The following BTG3 variants were observed in gnomAD, a reference collection of about 807,000 sequenced individuals.
BTG3 encodes the protein BTG anti-proliferation factor 3, also known as protein BTG3.
BTG3 carries 4 observed loss-of-function variants against 25.8 expected under a neutral mutation model. The ratio of observed to expected loss-of-function variants is 0.16; its 90% CI spans 0.08 to 0.36. BTG3 has a LOEUF of 0.36. BTG3 is among the 10% of genes least tolerant of loss of function. BTG3 has a pLI of 1.00. For missense variants in BTG3, 201 were observed against 304.9 expected, an observed-to-expected ratio of 0.66 and a Z score of 2.54; for synonymous variants, 107 against 99.9, an observed-to-expected ratio of 1.07 and a Z score of -0.42.
chr21:17,608,713 G>A, intron 2 of BTG3: 1 of 368,998 alleles, frequency 2.7e-6, no homozygotes, highest in Non-Finnish European at 4.8e-6. Context: ...GCACTGTTAG[G>A]AGCCAGGCTA....
intron 2 of BTG3, among the ~76,000 whole-genome samples, chr21:17,607,499 G>A (rs967196603): frequency 1.3e-5 from 2 of 152,078 alleles, no homozygotes; most frequent in African/African-American, 4.8e-5. Context: ...AACCTCTTTG[G>A]ATTAAAAATG....
intron 2 of BTG3, among the ~76,000 whole-genome samples, chr21:17,607,582 G>A (rs893783806): frequency 1.3e-5 from 2 of 152,168 alleles, no homozygotes; most frequent in Non-Finnish European, 2.9e-5. Context: ...CAGTACATGA[G>A]AAATTAGCAA....
At chr21:17,606,438 T>TA (rs1182744190) in intron 2 of BTG3, among the ~76,000 whole-genome samples, 3 of 152,180 alleles carry the variant, frequency 2.0e-5, no homozygotes, top group African/African-American at 7.2e-5. Context: ...AAATACTGCT[T>TA]AGTCCTTTTA....
chr21:17,610,761 A>G (rs1306391190), intron 1 of BTG3, among the ~76,000 whole-genome samples: 1 of 152,258 alleles, frequency 6.6e-6, no homozygotes, highest in Non-Finnish European at 1.5e-5. Context: ...TATGTTTAGC[A>G]TAAAAACAAC....
intron 4 of BTG3, 142 bp downstream of exon 4, chr21:17,598,475 G>A: frequency 1.5e-6 from 1 of 655,040 alleles, no homozygotes; most frequent in Non-Finnish European, 2.5e-6. Flanking sequence ...CAGAGAAACA[G>A]CTTTCCCTTA....
At chr21:17,599,058 C>G (rs2061538908) in intron 3 of BTG3, 1 of 379,996 alleles carries the variant, frequency 2.6e-6, no homozygotes, top group Non-Finnish European at 4.6e-6. Flanking sequence ...TTTTCTTTCC[C>G]TTATTTTCTT....
At chr21:17,604,369 C>T (rs1455139506) in intron 3 of BTG3, 4 of 197,608 alleles carry the variant, frequency 2.0e-5, no homozygotes, top group Non-Finnish European at 4.3e-5. Flanking sequence ...CACTTGAACC[C>T]GGCAGGCAGA....
chr21:17,605,001 C>T lies in BTG3; in HGVS notation c.174-4G>A, dbSNP rs773955327. 1 of 1,613,090 alleles carries T rather than the reference C, an allele frequency of 6.2e-7. No individual in the cohort carries two copies. Among genetic ancestry groups the T allele is most frequent in the Admixed American group, 1.7e-5 (1 of 59,818 alleles). On this transcript the variant is annotated splice_region_variant and splice_polypyrimidine_tract_variant and intron_variant, in intron 2 of 4. Transcript: ENST00000348354. ...AAATTTATTGACACGAATACATCTA[C>T]AACAAAGTGGAGTTACGTTAATGGA... is the stretch of plus-strand genomic sequence containing the variant.
chr21:17,606,358 G>A (rs1319795876), intron 2 of BTG3, among the ~76,000 whole-genome samples: 4 of 152,038 alleles, frequency 2.6e-5, no homozygotes, highest in South Asian at 2.1e-4. Flanking sequence ...CTGTATATAC[G>A]TACCTATCTT....
chr21:17,595,182 G>A (rs555012702), intron 4 of BTG3, among the ~76,000 whole-genome samples: 3 of 152,088 alleles, frequency 2.0e-5, no homozygotes, highest in South Asian at 2.1e-4. Context: ...AGGTGGGCAC[G>A]TCAGGTTCAC....
At chr21:17,599,475 ATTTTTTTTTT>A (rs11447568) in intron 3 of BTG3, among the ~76,000 whole-genome samples, 2 of 117,244 alleles carry the variant, frequency 1.7e-5, no homozygotes, top group East Asian at 4.9e-4. Flanking sequence ...CCACTGGCTG[ATTTTTTTTTT>A]TTTTTTTTTG....
At chr21:17,602,592 G>A (rs2061588198) in intron 3 of BTG3, among the ~76,000 whole-genome samples, 1 of 152,024 alleles carries the variant, frequency 6.6e-6, no homozygotes, top group Non-Finnish European at 1.5e-5. Flanking sequence ...GTTATTGAAT[G>A]AACACCTGAC....
intron 4 of BTG3, among the ~76,000 whole-genome samples, chr21:17,595,708 A>G (rs1011011451): frequency 2.6e-5 from 4 of 152,040 alleles, no homozygotes; most frequent in African/African-American, 9.7e-5. Flanking sequence ...ATGATACACA[A>G]CGAACAAAAC....
chr21:17,598,006 A>G (rs2061525463), intron 4 of BTG3, among the ~76,000 whole-genome samples: 1 of 152,214 alleles, frequency 6.6e-6, no homozygotes, highest in South Asian at 2.1e-4. Flanking sequence ...TTAAATTGTT[A>G]TGACTTTAAA....
rs2061681146 is a variant in BTG3 at position 17,608,824 on chromosome 21, A to T, written c.173+148T>A. The T allele has an allele frequency of 8.0e-6, 6 of 751,664 alleles. No individual in the cohort carries two copies. In the East Asian group the frequency reaches 1.7e-4, roughly 22 times the overall value. The allele number at this position is 751,664 out of a possible 1,614,324, so 46.6% of individuals were successfully genotyped here. ...GCCAACAAATACTTGTTTTAAAATG[A>T]GTAAGGAGAAAATATACAAACACCC... is the stretch of plus-strand genomic sequence containing the variant. On this transcript the variant is annotated intron_variant, in intron 2 of 4. Transcript: ENST00000348354.
chr21:17,601,353 C>T lies in BTG3; in HGVS notation c.312-2529G>A, dbSNP rs551071038. Among the ~76,000 whole-genome samples, 348 of 152,112 alleles carry T rather than the reference C, an allele frequency of 2.3e-3. 1 individual carries two copies. The highest frequency in any genetic ancestry group is 3.6e-3 in the Non-Finnish European group (246 of 68,002). On this transcript the variant is annotated intron_variant, in intron 3 of 4. Coordinates refer to ENST00000348354, the MANE Select transcript of BTG3 (RefSeq NM_006806.5). ...GGTTGATCTACGGCTGGTGACTCTT[C>T]GTAGTATAAAATACCTAAACAGAAG...
chr21:17,597,920 G>GT (rs1242607214), intron 4 of BTG3, among the ~76,000 whole-genome samples: 3 of 152,068 alleles, frequency 2.0e-5, no homozygotes, highest in Non-Finnish European at 4.4e-5. Flanking sequence ...ATCAAAGCAA[G>GT]TAAGTAAAAA....
intron 3 of BTG3, among the ~76,000 whole-genome samples, chr21:17,601,999 C>T (rs1460580546): frequency 6.6e-6 from 1 of 152,146 alleles, no homozygotes; most frequent in Non-Finnish European, 1.5e-5. Context: ...TTACAATGTG[C>T]AGTCGATATC....
intron 1 of BTG3, among the ~76,000 whole-genome samples, chr21:17,610,975 AGG>A (rs2061713242): frequency 1.3e-5 from 2 of 152,140 alleles, no homozygotes; most frequent in African/African-American, 4.8e-5. Context: ...AGCCTGATGG[AGG>A]GGAAGGCACA....
Sources: gnomAD v4.1 joint callset for allele counts (sites outside exome capture counted in the v4.1 genomes callset) on GRCh38, gnomAD v4.1.1 for gene constraint, MANE v1.5 for transcripts, NCBI Gene and HGNC (gene_info 2026-07-23, HGNC 2026-07-21) for gene names.